RBM47: variants seen among roughly 807,000 people sequenced by gnomAD.
RBM47 encodes RNA-binding protein 47.
Under a neutral mutation model 47.1 loss-of-function variants are expected in RBM47, and 21 were observed. The ratio of observed to expected loss-of-function variants is 0.45; its 90% CI spans 0.32 to 0.64. RBM47 has a LOEUF of 0.64. Among genes scored for constraint, RBM47 ranks in the 30% least tolerant of loss-of-function variants. RBM47 has a pLI of 0.05. For missense variants in RBM47, 708 were observed against 870.9 expected, an observed-to-expected ratio of 0.81 and a Z score of 2.35; for synonymous variants, 375 against 361.7, an observed-to-expected ratio of 1.04 and a Z score of -0.42.
chr4:40,558,227 T>G (rs1730278329), intron 1 of RBM47, among the ~76,000 whole-genome samples: 1 of 152,230 alleles, frequency 6.6e-6, no homozygotes, highest in Non-Finnish European at 1.5e-5. Context: ...CCTCTTAAAT[T>G]ACAGATATCT....
chr4:40,476,176 T>C (rs946571507), intron 2 of RBM47, among the ~76,000 whole-genome samples: 4 of 152,182 alleles, frequency 2.6e-5, no homozygotes, highest in African/African-American at 9.6e-5. Flanking sequence ...TTGTCTAGGC[T>C]GTTGGGATTA....
intron 2 of RBM47, among the ~76,000 whole-genome samples, chr4:40,530,827 C>A (rs867830566): frequency 1.3e-5 from 2 of 152,112 alleles, no homozygotes; most frequent in Non-Finnish European, 2.9e-5. Context: ...AGGCGAGGCA[C>A]GGTGGCTCAC....
intron 3 of RBM47, among the ~76,000 whole-genome samples, chr4:40,454,019 G>A (rs920567397): frequency 6.6e-6 from 1 of 152,092 alleles, no homozygotes; most frequent in Admixed American, 6.6e-5. Context: ...CGGGGTAGAC[G>A]CCTGCTGGAG....
chr4:40,482,310 G>C (rs1720541081), intron 2 of RBM47, among the ~76,000 whole-genome samples: 1 of 152,030 alleles, frequency 6.6e-6, no homozygotes. Flanking sequence ...CTGGAGCACA[G>C]TGGCGCGATC....
At chr4:40,476,793 A>G (rs1719666787) in intron 2 of RBM47, among the ~76,000 whole-genome samples, 1 of 152,212 alleles carries the variant, frequency 6.6e-6, no homozygotes, top group African/African-American at 2.4e-5. Flanking sequence ...TCTGCAGCAC[A>G]TCAAGAGAGG....
At chr4:40,572,372 A>C (rs1731814607) in intron 1 of RBM47, among the ~76,000 whole-genome samples, 1 of 152,000 alleles carries the variant, frequency 6.6e-6, no homozygotes, top group Non-Finnish European at 1.5e-5. Flanking sequence ...ATCTCAAAAA[A>C]AAAAAGGCAA....
chr4:40,592,653 A>T (rs1578029632), intron 1 of RBM47, among the ~76,000 whole-genome samples: 1 of 148,918 alleles, frequency 6.7e-6, no homozygotes, highest in African/African-American at 2.5e-5. Flanking sequence ...CGAACTCCCA[A>T]CCTCAGGTGA....
chr4:40,578,991 CACTTGT>C (rs1237513041), intron 1 of RBM47, among the ~76,000 whole-genome samples: 5 of 152,020 alleles, frequency 3.3e-5, no homozygotes, highest in Non-Finnish European at 7.4e-5. Context: ...TGGTGGCGTG[CACTTGT>C]ACTCCCAGCT....
chr4:40,441,665 T>C (rs1475788953), intron 3 of RBM47, among the ~76,000 whole-genome samples: 1 of 152,198 alleles, frequency 6.6e-6, no homozygotes. Flanking sequence ...CTGAGATAGG[T>C]GGAGTTGCCT....
intron 2 of RBM47, among the ~76,000 whole-genome samples, chr4:40,524,975 A>T (rs764998681): frequency 6.6e-6 from 1 of 152,232 alleles, no homozygotes; most frequent in East Asian, 1.9e-4. Flanking sequence ...TAATGAGCTC[A>T]GGCTTGATAG....
At chr4:40,531,877 C>G (rs534316700) in intron 2 of RBM47, among the ~76,000 whole-genome samples, 1 of 152,122 alleles carries the variant, frequency 6.6e-6, no homozygotes, top group African/African-American at 2.4e-5. Flanking sequence ...TGAAAGATAT[C>G]GTTAAGTGAG....
At chr4:40,566,291 CA>C (rs1045273542) in intron 1 of RBM47, among the ~76,000 whole-genome samples, 1 of 152,074 alleles carries the variant, frequency 6.6e-6, no homozygotes, top group African/African-American at 2.4e-5. Flanking sequence ...AGTCACTGAC[CA>C]AAAGCCCTGT....
rs149921561 is a variant in RBM47 at position 40,465,207 on chromosome 4, C to T, written c.-32+1370G>A. Among the ~76,000 whole-genome samples, 384 of 152,220 alleles carry T rather than the reference C, an allele frequency of 2.5e-3. 1 individual carries two copies. Among genetic ancestry groups the T allele is most frequent in the African/African-American group, 8.7e-3 (363 of 41,520 alleles). On this transcript the variant is annotated intron_variant, in intron 3 of 6. Transcript: ENST00000295971. Reference sequence around the variant, plus strand: ...TTGGGCACATCAGTGTCGCTGGCAGCCCCTCCCTGACACACCAATATCTAC... The same window carrying T: ...TTGGGCACATCAGTGTCGCTGGCAGTCCCTCCCTGACACACCAATATCTAC...
rs1429563979 is a variant in RBM47 at position 40,438,506 on chromosome 4, C to T, written c.388G>A (p.Glu130Lys). 3 of 1,613,554 alleles carry T rather than the reference C, an allele frequency of 1.9e-6. No individual in the cohort carries two copies. Among genetic ancestry groups the T allele is most frequent in the African/African-American group, 1.3e-5 (1 of 74,934 alleles). Reference sequence around the variant, plus strand: ...GGGCGGATCTCGTAGTTGTTGAGCTCACGCACTGCGCGCTTGGCCTCGTGC... The same window carrying T: ...GGGCGGATCTCGTAGTTGTTGAGCTTACGCACTGCGCGCTTGGCCTCGTGC... ...HKHEAKRAVR[E>K]LNNYEIRPGR... is the part of the protein sequence containing the mutation. The change falls in exon 4 of 7, where the codon GAG (glutamate) becomes AAG (lysine). Residue 130 changes from glutamate to lysine, a missense_variant. By Grantham distance (56) the Glu-to-Lys change is moderately conservative (BLOSUM62 1). Coordinates refer to ENST00000295971, the MANE Select transcript of RBM47 (RefSeq NM_001098634.2).
chr4:40,504,819 T>G (rs931750872), intron 2 of RBM47, among the ~76,000 whole-genome samples: 9 of 152,324 alleles, frequency 5.9e-5, no homozygotes, highest in Admixed American at 2.6e-4. Context: ...TCACATTCCT[T>G]ATTTTGGTCA....
intron 2 of RBM47, chr4:40,491,848 C>T: frequency 4.9e-6 from 1 of 205,170 alleles, no homozygotes; most frequent in Admixed American, 5.9e-5. Flanking sequence ...GCAAATGTGG[C>T]TACATTGCCA....
At chr4:40,616,873 T>C (rs1204862424) in intron 1 of RBM47, among the ~76,000 whole-genome samples, 7 of 132,044 alleles carry the variant, frequency 5.3e-5, no homozygotes, top group Non-Finnish European at 1.1e-4. Flanking sequence ...TATTTTCTTT[T>C]CTTTTTTTTT....
intron 1 of RBM47, among the ~76,000 whole-genome samples, chr4:40,610,715 C>T (rs1736190873): frequency 6.6e-6 from 1 of 151,932 alleles, no homozygotes; most frequent in Admixed American, 6.6e-5. Context: ...TTGTATCTCC[C>T]AGAATTCCCA....
In RBM47 at chr4:40,481,489, T is replaced by TTATTA. The variant is rs1560406262; in HGVS notation, c.-154-14791_-154-14790insTAATA. Among the ~76,000 whole-genome samples, 465 of 110,798 alleles carry TTATTA rather than the reference T, an allele frequency of 4.2e-3. 2 individuals carry two copies. Among genetic ancestry groups the TTATTA allele is most frequent in the Non-Finnish European group, 4.6e-3 (235 of 50,768 alleles). The allele number at this position is 110,798 out of a possible 152,430, so 72.7% of individuals were successfully genotyped here. On this transcript the variant is annotated intron_variant, in intron 2 of 6. Coordinates refer to ENST00000295971, the MANE Select transcript of RBM47 (RefSeq NM_001098634.2). ...TATTATTATTATTATTATTATTATT[T>TTATTA]TTATTTTTATTTTTGAGATGTACTC...
Sources: allele counts gnomAD v4.1 joint callset (sites outside exome capture counted in the v4.1 genomes callset), GRCh38; gene constraint gnomAD v4.1.1; transcripts MANE v1.5; gene names NCBI Gene and HGNC (gene_info 2026-07-23, HGNC 2026-07-21).